OLFM3: variants seen among roughly 807,000 people sequenced by gnomAD.
The protein encoded by OLFM3 is noelin-3.
Under a neutral mutation model 48.6 loss-of-function variants are expected in OLFM3, and 20 were observed. That is an observed-to-expected ratio of 0.41 (90% confidence interval 0.29 to 0.60). The LOEUF (loss-of-function observed/expected upper bound fraction) is 0.60. Among genes scored for constraint, OLFM3 ranks in the 20% least tolerant of loss-of-function variants. The pLI is 0.28. For synonymous variants in OLFM3, 222 were observed against 198.1 expected (o/e 1.12, Z -1.01); for missense variants, 437 against 544.3 (o/e 0.80, Z 1.96).
At chr1:101,950,847 C>A (rs1367295651) in intron 1 of OLFM3, among the ~76,000 whole-genome samples, 1 of 152,068 alleles carries the variant, frequency 6.6e-6, no homozygotes, top group African/African-American at 2.4e-5. Context: ...ACAAAAGTGC[C>A]AAGCTCGGAA....
intron 4 of OLFM3, chr1:101,813,143 T>C (rs1383916269): frequency 7.9e-7 from 1 of 1,267,646 alleles, no homozygotes; most frequent in Non-Finnish European, 1.0e-6. Flanking sequence ...CTTTTTTAAA[T>C]CAACTGGAAA....
chr1:101,942,125 T>C (rs757767001), intron 1 of OLFM3, among the ~76,000 whole-genome samples: 1 of 152,226 alleles, frequency 6.6e-6, no homozygotes, highest in Non-Finnish European at 1.5e-5. Flanking sequence ...AGAGTGCATC[T>C]TAATCATTTT....
chr1:101,911,088 C>T (rs1038638236), intron 1 of OLFM3, among the ~76,000 whole-genome samples: 6 of 152,146 alleles, frequency 3.9e-5, no homozygotes, highest in African/African-American at 1.4e-4. Flanking sequence ...TCATGCATAG[C>T]TACTCTGTGA....
At chr1:101,818,197 G>C (rs1654426989) in intron 4 of OLFM3, among the ~76,000 whole-genome samples, 1 of 152,028 alleles carries the variant, frequency 6.6e-6, no homozygotes, top group South Asian at 2.1e-4. Flanking sequence ...ATGACAACTT[G>C]TGTTATGAAA....
At chr1:101,969,317 T>TTC (rs1401769764) in intron 1 of OLFM3, among the ~76,000 whole-genome samples, 2 of 149,308 alleles carry the variant, frequency 1.3e-5, no homozygotes, top group Non-Finnish European at 3.0e-5. Flanking sequence ...CCTGGCTATT[T>TTC]TTTTTTTTTT....
chr1:101,994,437 G>A (rs927386326), intron 1 of OLFM3, among the ~76,000 whole-genome samples: 6 of 150,326 alleles, frequency 4.0e-5, no homozygotes, highest in African/African-American at 1.5e-4. Context: ...TATATAATTT[G>A]CTTTATGAAT....
In OLFM3 at chr1:101,868,377, T is replaced by C. The variant is rs1656939772; in HGVS notation, c.70-31352A>G. Among the ~76,000 whole-genome samples the C allele has an allele frequency of 3.3e-5, 5 of 152,092 alleles. No individual in the cohort carries two copies. In the South Asian group the frequency reaches 8.3e-4, roughly 25 times the overall value. On this transcript the variant is annotated intron_variant, in intron 1 of 5. Transcript: ENST00000370103. The stretch of plus-strand genomic sequence containing the variant: ...AAGTCCAGGCTGAGGTGGTCTCAGA[T>C]GGAAATAAGGAACTTGTTAGATACT...
chr1:101,917,486 T>A (rs896847236), intron 1 of OLFM3, among the ~76,000 whole-genome samples: 1 of 134,056 alleles, frequency 7.5e-6, no homozygotes, highest in Admixed American at 7.3e-5. Context: ...GTGGCATCCC[T>A]GCTCACTGCA....
chr1:101,804,715 C>T lies in OLFM3; in HGVS notation c.900G>A (p.Gly300=). 1.9e-6 allele frequency: 3 copies of T among 1,612,602 alleles called. No individual in the cohort carries two copies. The South Asian group carries it at 3.3e-5, about 18-fold the overall frequency. Residue 300 remains glycine (G), a synonymous_variant, in exon 6 of 6, where the codon GGG becomes GGA. Transcript: ENST00000370103. The surrounding 1 kb of genome is among the most constrained non-coding windows in gnomAD (Gnocchi z 4.5). ...NIIIKYSFDM[G]RVLAQRSLEY... ...CCAGGCTTCGTTGGGCAAGCACTCT[C>T]CCCATATCAAAGCTGTATTTGATGA...
At chr1:101,805,273 C>T (rs1327594) in intron 5 of OLFM3, among the ~76,000 whole-genome samples, 87,499 of 151,562 alleles carry the variant, frequency 0.58, 25,686 homozygotes, top group East Asian at 0.64. Flanking sequence ...ACAGCAAATA[C>T]AACCTTCAGC....
chr1:101,868,297 T>A (rs981963254), intron 1 of OLFM3, among the ~76,000 whole-genome samples: 2 of 152,128 alleles, frequency 1.3e-5, no homozygotes, highest in Non-Finnish European at 2.9e-5. Context: ...TTTGGAACTT[T>A]CCAGAGACTT....
At chr1:101,952,943 G>C (rs1182172264) in intron 1 of OLFM3, among the ~76,000 whole-genome samples, 1 of 152,082 alleles carries the variant, frequency 6.6e-6, no homozygotes, top group Non-Finnish European at 1.5e-5. Context: ...TGGCTATTCA[G>C]CACTTGAAAT....
At chr1:101,845,190 A>AT (rs961499551) in intron 1 of OLFM3, among the ~76,000 whole-genome samples, 6 of 150,934 alleles carry the variant, frequency 4.0e-5, no homozygotes, top group South Asian at 2.1e-4. Flanking sequence ...TATTATTATT[A>AT]TTTTTTTTGC....
intron 1 of OLFM3, among the ~76,000 whole-genome samples, chr1:101,947,830 G>C (rs747658602): frequency 1.3e-5 from 2 of 152,044 alleles, no homozygotes; most frequent in Non-Finnish European, 2.9e-5. Context: ...GATAATAATA[G>C]CTGCTAACTT....
At chr1:101,852,421 A>G (rs1472512065) in intron 1 of OLFM3, among the ~76,000 whole-genome samples, 1 of 151,966 alleles carries the variant, frequency 6.6e-6, no homozygotes, top group Non-Finnish European at 1.5e-5. Context: ...TCCTTTTTGA[A>G]ATAGTTTTTT....
At chr1:101,933,425 G>A (rs1194965785) in intron 1 of OLFM3, among the ~76,000 whole-genome samples, 2 of 151,554 alleles carry the variant, frequency 1.3e-5, no homozygotes, top group East Asian at 3.9e-4. Context: ...AAAATCAAAC[G>A]AAGAAGAATG....
intron 1 of OLFM3, among the ~76,000 whole-genome samples, chr1:101,840,306 T>G (rs575717423): frequency 1.3e-5 from 2 of 152,236 alleles, no homozygotes; most frequent in African/African-American, 4.8e-5. Flanking sequence ...ACCTATGGAC[T>G]AGGTGGTGGT....
chr1:101,810,361 A>G (rs984379297), intron 4 of OLFM3, among the ~76,000 whole-genome samples: 2 of 152,018 alleles, frequency 1.3e-5, no homozygotes, highest in Non-Finnish European at 2.9e-5. Context: ...TAATATAAAT[A>G]TAGACATAAT....
intron 1 of OLFM3, among the ~76,000 whole-genome samples, chr1:101,863,294 G>A (rs1315511536): frequency 6.6e-6 from 1 of 152,144 alleles, no homozygotes; most frequent in Non-Finnish European, 1.5e-5. Flanking sequence ...TTTGATATTG[G>A]ATATTTCCAA....
Sources: allele counts gnomAD v4.1 joint callset (sites outside exome capture counted in the v4.1 genomes callset), GRCh38; gene constraint gnomAD v4.1.1; non-coding constraint Gnocchi (gnomAD v3.1); transcripts MANE v1.5; gene names NCBI Gene and HGNC (gene_info 2026-07-23, HGNC 2026-07-21).